TPCN1: variants seen among roughly 807,000 people sequenced by gnomAD.
The protein encoded by TPCN1 is two pore channel protein 1.
Under a neutral mutation model 108.8 loss-of-function variants are expected in TPCN1, and 52 were observed. The observed-to-expected ratio is 0.48, with a 90% CI of 0.38 to 0.60. TPCN1 has a LOEUF of 0.60. Ranked by LOEUF, TPCN1 falls within the 20% of genes least tolerant of loss-of-function variation. The pLI is 0.00. For missense variants in TPCN1, 806 were observed against 1,072.8 expected (o/e 0.75, Z 3.47); for synonymous variants, 446 against 433.7 (o/e 1.03, Z -0.35).
rs745984329 is a variant in TPCN1 at position 113,267,971 on chromosome 12, C to T, written c.528+15C>T. ...CCATGGTCAAGGTGATGTGTCCGCC[C>T]ATCTGTCCCTCCCCTCACAGCCTTT... On this transcript the variant is annotated intron_variant, in intron 5 of 27. Coordinates refer to ENST00000335509, the MANE Select transcript of TPCN1 (RefSeq NM_017901.6). 1.4e-5 allele frequency: 22 copies of T among 1,555,410 alleles called. No individual in the cohort carries two copies. The Admixed American group carries it at 1.5e-4, about 11-fold the overall frequency.
intron 2 of TPCN1, among the ~76,000 whole-genome samples, chr12:113,237,108 C>T (rs1473832388): frequency 6.6e-6 from 1 of 152,192 alleles, no homozygotes; most frequent in Non-Finnish European, 1.5e-5. Context: ...CTGCTGACAT[C>T]TTGCCAGCTC....
chr12:113,247,152 TTC>T (rs1260134979), intron 2 of TPCN1, among the ~76,000 whole-genome samples: 1 of 152,106 alleles, frequency 6.6e-6, no homozygotes, highest in Non-Finnish European at 1.5e-5. Context: ...GTCCTCTAGC[TTC>T]ACACACAGTG....
chr12:113,235,199 G>A (rs1439348273), intron 2 of TPCN1, among the ~76,000 whole-genome samples: 2 of 152,220 alleles, frequency 1.3e-5, no homozygotes, highest in Non-Finnish European at 2.9e-5. Context: ...GCTGGAGGGT[G>A]GAGGTGTCAA....
In TPCN1 at chr12:113,282,442, G is replaced by T. The variant is rs1191258593; in HGVS notation, c.1343-2139G>T. ...ATGTTATTTTTTATTTTGGGGGATT[G>T]CTTTTGGCATTTAATTTTGTTTTAT... On this transcript the variant is annotated intron_variant, in intron 15 of 27. Transcript: ENST00000335509. Among the ~76,000 whole-genome samples, 4 of 151,632 alleles carry T rather than the reference G, an allele frequency of 2.6e-5. No homozygotes were observed. The East Asian group carries it at 7.8e-4, about 30-fold the overall frequency.
intron 2 of TPCN1, chr12:113,249,353 C>T (rs1284415895): frequency 1.3e-5 from 2 of 152,248 alleles, no homozygotes; most frequent in African/African-American, 4.8e-5. Context: ...AGCGGAGCCA[C>T]CCCCTACATT....
At chr12:113,290,883 AG>A in intron 22 of TPCN1, 68 bp from the exon 23 acceptor site, 1 of 1,483,612 alleles carries the variant, frequency 6.7e-7, no homozygotes, top group Non-Finnish European at 9.4e-7. Flanking sequence ...ATAGGTGGCA[AG>A]AGGCCACTTG....
chr12:113,244,250 C>G (rs1954262169), intron 2 of TPCN1: 3 of 958,790 alleles, frequency 3.1e-6, no homozygotes, highest in South Asian at 4.8e-5. Context: ...CCCCGTTGAG[C>G]CTTTCTTTTT....
At chr12:113,233,240 GCAGT>G (rs1953758163) in intron 2 of TPCN1, among the ~76,000 whole-genome samples, 1 of 152,164 alleles carries the variant, frequency 6.6e-6, no homozygotes, top group East Asian at 1.9e-4. Context: ...GCTCTAAATG[GCAGT>G]CGTGGCAGCT....
intron 3 of TPCN1, among the ~76,000 whole-genome samples, chr12:113,262,075 A>G (rs1222483362): frequency 6.6e-6 from 1 of 152,196 alleles, no homozygotes; most frequent in African/African-American, 2.4e-5. Context: ...TCTGGTTTGC[A>G]TTGAGTAAGA....
In TPCN1 at chr12:113,296,051, G is replaced by T; in HGVS notation, c.2426G>T (p.Arg809Leu). The T allele has an allele frequency of 6.2e-7, 1 of 1,613,252 alleles. No homozygotes were observed. The highest frequency in any genetic ancestry group is 8.5e-7 in the Non-Finnish European group (1 of 1,179,850). ...GCCGCCCAGCAGCCCCCAGGCAGCCGCCAGCGCTCCCAGACCGTTACCTAG... is the reference window on the plus strand; with the variant it reads ...GCCGCCCAGCAGCCCCCAGGCAGCCTCCAGCGCTCCCAGACCGTTACCTAG... ...APAAQQPPGS[R>L]QRSQTVT The change falls in exon 28 of 28, where the codon CGC (arginine) becomes CTC (leucine). Residue 809 changes from arginine to leucine, a missense_variant. Transcript: ENST00000335509.
At chr12:113,244,231 G>A (rs543091205) in intron 2 of TPCN1, 17 of 840,780 alleles carry the variant, frequency 2.0e-5, no homozygotes, top group Middle Eastern at 6.2e-4. Context: ...GGCTTGACCC[G>A]TGGTACTGCC....
At chr12:113,267,703 A>G in intron 4 of TPCN1, 140 bp from the exon 5 acceptor site, 1 of 618,720 alleles carries the variant, frequency 1.6e-6, no homozygotes, top group South Asian at 1.9e-5. Flanking sequence ...GTCTTTAGGC[A>G]TGCGAGGCCA....
intron 3 of TPCN1, among the ~76,000 whole-genome samples, chr12:113,264,012 GTTC>G (rs987636820): frequency 6.6e-6 from 1 of 152,148 alleles, no homozygotes; most frequent in Non-Finnish European, 1.5e-5. Flanking sequence ...CATGTCAGTG[GTTC>G]TTCTAGCGAG....
chr12:113,290,066 C>G (rs1172441522), intron 21 of TPCN1, 62 bp from the exon 22 acceptor site: 2 of 1,083,820 alleles, frequency 1.8e-6, no homozygotes. Flanking sequence ...GACTTCTGTC[C>G]TCTCTGGAGG....
rs779233877 is a variant in TPCN1 at position 113,226,739 on chromosome 12, A to C, written c.-114A>C. The C allele has an allele frequency of 1.3e-6, 2 of 1,568,586 alleles. No homozygotes were observed. Among genetic ancestry groups the C allele is most frequent in the Admixed American group, 3.8e-5 (2 of 52,260 alleles). ...TTCCCAAACCCTAGAAGATGCCTCT[A>C]ATGGAGGAGTTTCTGAGCAGCACCC... On this transcript the variant is annotated 5_prime_UTR_variant, in exon 2 of 28. Coordinates refer to ENST00000335509, the MANE Select transcript of TPCN1 (RefSeq NM_017901.6).
At chr12:113,242,629 T>C (rs1954192372) in intron 2 of TPCN1, among the ~76,000 whole-genome samples, 1 of 152,256 alleles carries the variant, frequency 6.6e-6, no homozygotes, top group African/African-American at 2.4e-5. Context: ...TGCGTCATCC[T>C]GGTCACTGGT....
chr12:113,286,486 C>G (rs1289178329), intron 18 of TPCN1, among the ~76,000 whole-genome samples: 1 of 129,118 alleles, frequency 7.7e-6, no homozygotes, highest in Non-Finnish European at 1.7e-5. Flanking sequence ...CGTGTGTGCC[C>G]TGCGTGTCTG....
At chr12:113,287,637 C>T (rs975594328) in intron 19 of TPCN1, among the ~76,000 whole-genome samples, 13 of 152,234 alleles carry the variant, frequency 8.5e-5, no homozygotes, top group Admixed American at 3.9e-4. Flanking sequence ...ACCCCATCCA[C>T]GTCCGCCCCA....
intron 17 of TPCN1, 75 bp from the exon 18 acceptor site, chr12:113,285,814 G>A: frequency 7.7e-7 from 1 of 1,294,404 alleles, no homozygotes; most frequent in Non-Finnish European, 1.1e-6. Context: ...AGACTGTGGA[G>A]GAGCCTCAAA....
Sources: allele counts gnomAD v4.1 joint callset (sites outside exome capture counted in the v4.1 genomes callset), GRCh38; gene constraint gnomAD v4.1.1; transcripts MANE v1.5; gene names NCBI Gene and HGNC (gene_info 2026-07-23, HGNC 2026-07-21).